The following PDE4D variants were observed in gnomAD, a reference collection of about 807,000 sequenced individuals.
PDE4D encodes the protein 3',5'-cyclic-AMP phosphodiesterase 4D.
PDE4D carries 24 observed loss-of-function variants against 87.4 expected under a neutral mutation model. The ratio of observed to expected loss-of-function variants is 0.27; its 90% confidence interval spans 0.20 to 0.39. PDE4D has a LOEUF of 0.39. Ranked by LOEUF, PDE4D falls within the 10% of genes least tolerant of loss-of-function variation. The probability of loss-of-function intolerance (pLI) is 1.00; values close to 1 mark genes in which losing one functional copy is unlikely to be tolerated. For synonymous variants in PDE4D, 384 were observed against 383.2 expected, an observed-to-expected ratio of 1.00 and a Z score of -0.02; for missense variants, 714 against 1,041.0, an observed-to-expected ratio of 0.69 and a Z score of 4.32.
intron 1 of PDE4D, among the ~76,000 whole-genome samples, chr5:60,212,804 A>G (rs1465738069): frequency 4.6e-5 from 7 of 152,242 alleles, no homozygotes; most frequent in Non-Finnish European, 8.8e-5. Flanking sequence ...CTAGGGGTAC[A>G]CAGAATTTTT....
chr5:60,256,639 C>T (rs1403311884), intron 1 of PDE4D, among the ~76,000 whole-genome samples: 1 of 151,736 alleles, frequency 6.6e-6, no homozygotes, highest in African/African-American at 2.4e-5. Context: ...ATTAGTCCTA[C>T]CTTAAGGAAA....
At chr5:59,331,371 G>A (rs971058921) in intron 1 of PDE4D, among the ~76,000 whole-genome samples, 43 of 152,172 alleles carry the variant, frequency 2.8e-4, no homozygotes, top group African/African-American at 9.4e-4. Flanking sequence ...TCATCTCCAC[G>A]TAGTCTTCTC....
At chr5:59,257,292 T>C (rs776395565) in intron 1 of PDE4D, among the ~76,000 whole-genome samples, 1 of 151,954 alleles carries the variant, frequency 6.6e-6, no homozygotes, top group African/African-American at 2.4e-5. Flanking sequence ...ATGGAACCCA[T>C]TCATAAACTC....
At position 58,990,846 on chromosome 5, in the gene PDE4D, A is replaced by G. The variant is rs779452054; in HGVS notation, c.1245T>C (p.Ser415=). 1.9e-6 allele frequency: 3 copies of G among 1,606,890 alleles called. No individual in the cohort carries two copies. Among genetic ancestry groups the G allele is most frequent in the Non-Finnish European group, 2.6e-6 (3 of 1,176,026 alleles). The change falls in exon 9 of 15, where the codon TCT becomes TCC. Residue 415 remains serine, a synonymous_variant. Coordinates refer to ENST00000340635, the MANE Select transcript of PDE4D (RefSeq NM_001104631.2). The part of the protein sequence containing the change: ...GLHVFRIAEL[S]GNRPLTVIMH... ...TGATAACAGTCAAGGGCCGGTTACC[A>G]GACAACTCTGCTATTCTGAAAACAT...
intron 1 of PDE4D, among the ~76,000 whole-genome samples, chr5:59,776,613 G>A (rs1026843411): frequency 3.3e-5 from 5 of 152,172 alleles, no homozygotes. Flanking sequence ...CTGAGTCACA[G>A]CTTGGGAGAT....
chr5:58,997,361 A>C (rs777595657), intron 6 of PDE4D, among the ~76,000 whole-genome samples: 2 of 152,118 alleles, frequency 1.3e-5, no homozygotes, highest in Non-Finnish European at 2.9e-5. Context: ...AAAATGTGAT[A>C]CTTCTCTCAT....
intron 1 of PDE4D, among the ~76,000 whole-genome samples, chr5:59,564,212 T>C (rs1009116127): frequency 5.3e-4 from 81 of 152,340 alleles, no homozygotes; most frequent in African/African-American, 1.5e-3. Context: ...GGTCTCAGCA[T>C]ACTTGGTACA....
At chr5:59,498,215 C>T (rs1455471723) in intron 1 of PDE4D, among the ~76,000 whole-genome samples, 1 of 151,478 alleles carries the variant, frequency 6.6e-6, no homozygotes, top group Non-Finnish European at 1.5e-5. Flanking sequence ...ATCCTTGTTA[C>T]CATGAAAGCA....
At chr5:59,946,284 G>A (rs1250590375) in intron 3 of PDE4D, among the ~76,000 whole-genome samples, 7 of 152,140 alleles carry the variant, frequency 4.6e-5, no homozygotes, top group Non-Finnish European at 1.0e-4. Flanking sequence ...AAAGTGGTGG[G>A]CAAGCAACCT....
chr5:59,876,536 C>T (rs1748632943), intron 1 of PDE4D, among the ~76,000 whole-genome samples: 1 of 152,100 alleles, frequency 6.6e-6, no homozygotes, highest in African/African-American at 2.4e-5. Flanking sequence ...TAATATCAAC[C>T]TATTTATTCC....
At chr5:60,197,672 A>G (rs1741428882) in intron 1 of PDE4D, among the ~76,000 whole-genome samples, 1 of 151,578 alleles carries the variant, frequency 6.6e-6, no homozygotes, top group South Asian at 2.1e-4. Context: ...ATTTCTCCCT[A>G]ATTAACAAGT....
At chr5:59,744,718 G>A (rs1759353786) in intron 1 of PDE4D, among the ~76,000 whole-genome samples, 2 of 152,138 alleles carry the variant, frequency 1.3e-5, no homozygotes, top group Admixed American at 6.5e-5. Context: ...ATCCATTACT[G>A]TAATGACCTG....
intron 1 of PDE4D, among the ~76,000 whole-genome samples, chr5:60,382,644 G>A (rs187127128): frequency 7.9e-5 from 12 of 152,220 alleles, no homozygotes; most frequent in East Asian, 3.9e-4. Flanking sequence ...CCATTTCACC[G>A]GAAGAGGCAG....
intron 3 of PDE4D, among the ~76,000 whole-genome samples, chr5:59,929,332 A>T (rs984506024): frequency 6.6e-6 from 1 of 152,110 alleles, no homozygotes; most frequent in Non-Finnish European, 1.5e-5. Context: ...CCCAATCTAC[A>T]CCCTTTTCAA....
chr5:60,449,055 C>T (rs540955886), intron 1 of PDE4D, among the ~76,000 whole-genome samples: 1 of 141,994 alleles, frequency 7.0e-6, no homozygotes, highest in East Asian at 2.0e-4. Flanking sequence ...CTTCACCCAC[C>T]CCCCCAACTG....
At position 59,002,193 on chromosome 5, in the gene PDE4D, C is replaced by T. The variant is rs1440919218; in HGVS notation, c.922-8728G>A. On this transcript the variant is annotated intron_variant, in intron 6 of 14. Transcript: ENST00000340635. Reference sequence around the variant, plus strand: ...AGACCTAGAGAGAAAAAATGATTTTCCCAGGTTCACTCTGGTACTGAGAAC... The same window carrying T: ...AGACCTAGAGAGAAAAAATGATTTTTCCAGGTTCACTCTGGTACTGAGAAC... The T allele has an allele frequency of 1.7e-5, 6 of 351,966 alleles. No homozygotes were observed. The East Asian group carries it at 4.1e-4, about 24-fold the overall frequency. The allele number at this position is 351,966 out of a possible 1,614,324, so 21.8% of individuals were successfully genotyped here.
chr5:59,422,671 T>C (rs1794649405), intron 1 of PDE4D, among the ~76,000 whole-genome samples: 1 of 152,208 alleles, frequency 6.6e-6, no homozygotes, highest in South Asian at 2.1e-4. Context: ...GGGACTATCA[T>C]ATAAAGGTCA....
chr5:59,510,547 A>C (rs1375930387), intron 1 of PDE4D, among the ~76,000 whole-genome samples: 1 of 151,856 alleles, frequency 6.6e-6, no homozygotes. Flanking sequence ...AGAGTTCCAG[A>C]TAGGTAGGTA....
At chr5:60,159,538 A>G (rs1782294260) in intron 2 of PDE4D, among the ~76,000 whole-genome samples, 1 of 152,176 alleles carries the variant, frequency 6.6e-6, no homozygotes, top group Non-Finnish European at 1.5e-5. Flanking sequence ...CACCATAAAC[A>G]TATGAGTAAT....
Sources: gnomAD v4.1 joint callset for allele counts (sites outside exome capture counted in the v4.1 genomes callset) on GRCh38, gnomAD v4.1.1 for gene constraint, MANE v1.5 for transcripts, NCBI Gene and HGNC (gene_info 2026-07-23, HGNC 2026-07-21) for gene names.